The following FEZ1 variants were observed in gnomAD, a reference collection of about 807,000 sequenced individuals.
The protein encoded by FEZ1 is fasciculation and elongation protein zeta-1.
FEZ1 carries 20 observed loss-of-function variants against 49.3 expected under a neutral mutation model. The ratio of observed to expected loss-of-function variants is 0.41; its 90% CI spans 0.29 to 0.59. FEZ1 has a LOEUF of 0.59. Among genes scored for constraint, FEZ1 ranks in the 20% least tolerant of loss-of-function variants. FEZ1 has a pLI of 0.36. For synonymous variants in FEZ1, 170 were observed against 180.9 expected (o/e 0.94, Z 0.48); for missense variants, 413 against 476.0 (o/e 0.87, Z 1.23).
intron 1 of FEZ1, among the ~76,000 whole-genome samples, chr11:125,490,201 A>G (rs1176475873): frequency 2.0e-5 from 3 of 152,202 alleles, no homozygotes; most frequent in Non-Finnish European, 4.4e-5. Context: ...TATTACTATT[A>G]CTATTACCAC....
chr11:125,457,429 A>AAT (rs145878447), intron 5 of FEZ1, among the ~76,000 whole-genome samples: 785 of 20,906 alleles, frequency 0.038, 30 homozygotes, highest in Middle Eastern at 0.19. Flanking sequence ...AAAAAAAAAA[A>AAT]ATATATATAT....
intron 2 of FEZ1, among the ~76,000 whole-genome samples, chr11:125,486,267 G>A (rs532921040): frequency 2.6e-5 from 4 of 152,302 alleles, no homozygotes; most frequent in South Asian, 2.1e-4. Flanking sequence ...ACTCGTAAGA[G>A]GGCTGATAGG....
At position 125,463,555 on chromosome 11, in the gene FEZ1, C is replaced by A; in HGVS notation, c.427G>T (p.Glu143Ter). ...TCACTCTTCTCATTGAACTCTTCCT[C>A]TTCTTTCTCATGGATCTGGAGAGGA... ...CSDTEIHEKE[E>*]EEFNEKSEND... Residue 143 changes from glutamate (E) to a stop codon, truncating the protein, a stop_gained, in exon 4 of 10, where the codon GAG becomes TAG. Transcript: ENST00000278919. LOFTEE classifies it high-confidence loss of function. The A allele has an allele frequency of 1.2e-6, 2 of 1,609,114 alleles. No individual in the cohort carries two copies. The highest frequency in any genetic ancestry group is 2.2e-5 in the South Asian group (2 of 90,976).
intron 8 of FEZ1, among the ~76,000 whole-genome samples, chr11:125,449,441 A>AAAAAAAAAAAAAAAAAAAAGAAG (rs796507357): frequency 1.2e-4 from 16 of 128,256 alleles, no homozygotes; most frequent in African/African-American, 4.4e-4. Context: ...AAAAAAAAAA[A>AAAAAAAAAAAAAAAAAAAAGAAG]AAGAAGAAGA....
Position 125,455,650 on chromosome 11 carries a change from C to A in FEZ1, c.939+185G>T, listed in dbSNP as rs1002628485. 3.6e-4 allele frequency: 250 copies of A among 685,858 alleles called. 1 individual carries two copies. The highest frequency in any genetic ancestry group is 2.0e-4 in the Admixed American group (9 of 45,746). 42.5% of individuals were successfully genotyped at this position (685,858 alleles called of 1,614,324 possible). ...TGTCTTCCTGGGTTAGACTGTGAGC[C>A]CTTTGGGGGAGTGGAGGAGATAGGT... On this transcript the variant is annotated intron_variant, in intron 6 of 9. Coordinates refer to ENST00000278919, the MANE Select transcript of FEZ1 (RefSeq NM_005103.5).
chr11:125,452,092 T>C (rs1290531953), intron 8 of FEZ1, among the ~76,000 whole-genome samples: 1 of 152,138 alleles, frequency 6.6e-6, no homozygotes, highest in Non-Finnish European at 1.5e-5. Context: ...CTCATTTTTT[T>C]TTCCCCCAGC....
intron 3 of FEZ1, among the ~76,000 whole-genome samples, chr11:125,480,570 A>T (rs1957269833): frequency 6.6e-6 from 1 of 152,190 alleles, no homozygotes. Context: ...TGAACCCAAG[A>T]GAAGCCCATG....
At chr11:125,447,198 G>A (rs772484131) in intron 9 of FEZ1, among the ~76,000 whole-genome samples, 3 of 152,152 alleles carry the variant, frequency 2.0e-5, no homozygotes, top group Non-Finnish European at 2.9e-5. Context: ...TCAAAAAATC[G>A]GAAGCTGTAT....
At chr11:125,462,774 G>A (rs1957088479) in intron 4 of FEZ1, among the ~76,000 whole-genome samples, 1 of 149,490 alleles carries the variant, frequency 6.7e-6, no homozygotes, top group Admixed American at 6.7e-5. Context: ...CAAGGCGGGT[G>A]GACTGCTTGA....
rs1269934869 is a variant in FEZ1 at position 125,495,317 on chromosome 11, TGA to T, written c.-46+802_-46+803del. On this transcript the variant is annotated intron_variant, in intron 1 of 9. Coordinates refer to ENST00000278919, the MANE Select transcript of FEZ1 (RefSeq NM_005103.5). The surrounding 1 kb of genome is among the most constrained non-coding windows in gnomAD (Gnocchi z 4.2). The stretch of plus-strand genomic sequence containing the variant: ...AACAAGCCCGGACACGGGAGAGGGA[TGA>T]GAGTCGGGGATGCCTAGCGGCGAGG... 4.3e-6 allele frequency: 2 copies of T among 462,622 alleles called. No individual in the cohort carries two copies. The highest frequency in any genetic ancestry group is 4.8e-5 in the Admixed American group (2 of 42,036). The allele number at this position is 462,622 out of a possible 1,614,324, so 28.7% of individuals were successfully genotyped here. A position where few individuals can be genotyped will look rare whatever the true frequency, so the allele number is the denominator to read the frequency against.
chr11:125,468,406 C>T (rs911648580), intron 3 of FEZ1, among the ~76,000 whole-genome samples: 3 of 152,110 alleles, frequency 2.0e-5, no homozygotes, highest in African/African-American at 7.2e-5. Context: ...CCCAGGCTGG[C>T]TTCTAACTCC....
chr11:125,449,248 G>A (rs550199897), intron 8 of FEZ1, among the ~76,000 whole-genome samples: 5 of 144,760 alleles, frequency 3.5e-5, no homozygotes, highest in African/African-American at 1.3e-4. Flanking sequence ...GTTTTGCCAT[G>A]TTGCCCAGGC....
At position 125,495,611 on chromosome 11, in the gene FEZ1, C is replaced by A. The variant is rs1565308598; in HGVS notation, c.-46+510G>T. On this transcript the variant is annotated intron_variant, in intron 1 of 9. Coordinates refer to ENST00000278919, the MANE Select transcript of FEZ1 (RefSeq NM_005103.5). The surrounding 1 kb of genome is among the most constrained non-coding windows in gnomAD (Gnocchi z 4.2). ...CTCTGGGGAGGGGCACGAGCGGGGT[C>A]GGGGGTAAGTTTTTAGGGACAAAGA... 4.3e-6 allele frequency: 2 copies of A among 465,726 alleles called. No homozygotes were observed. Among genetic ancestry groups the A allele is most frequent in the Non-Finnish European group, 8.9e-6 (2 of 224,734 alleles). 28.8% of individuals were successfully genotyped at this position (465,726 alleles called of 1,614,324 possible).
Position 125,495,975 on chromosome 11 carries a change from A to C in FEZ1, c.-46+146T>G, listed in dbSNP as rs1957466129. 4.5e-6 allele frequency: 1 copy of C among 224,108 alleles called. No individual in the cohort carries two copies. The highest frequency in any genetic ancestry group is 8.8e-6 in the Non-Finnish European group (1 of 113,442). The allele number at this position is 224,108 out of a possible 1,614,324, so 13.9% of individuals were successfully genotyped here. On this transcript the variant is annotated intron_variant, in intron 1 of 9. Transcript: ENST00000278919. This position sits in a 1 kb window ranked among gnomAD's most constrained non-coding sequence, Gnocchi z 4.2. ...CGACGGCCTCCCGTTGTTCCTTTCTAATCCCAGAATGGGACCAGGTGAGGG... is the reference window on the plus strand; with the variant it reads ...CGACGGCCTCCCGTTGTTCCTTTCTCATCCCAGAATGGGACCAGGTGAGGG...
intron 1 of FEZ1, among the ~76,000 whole-genome samples, chr11:125,493,362 A>AGAAAAGAAAGAAAGAAAGAAAGAAAG (rs1957403663): frequency 2.0e-5 from 1 of 49,534 alleles, no homozygotes; most frequent in Non-Finnish European, 3.8e-5. Context: ...AGAAAGAGAG[A>AGAAAAGAAAGAAAGAAAGAAAGAAAG]AAAGAAAGAA....
intron 3 of FEZ1, among the ~76,000 whole-genome samples, chr11:125,480,377 C>T (rs1254282990): frequency 2.6e-5 from 4 of 152,022 alleles, no homozygotes; most frequent in Middle Eastern, 3.4e-3. Context: ...CACAGTGAGA[C>T]CCTGTCTGAG....
chr11:125,487,385 A>T (rs1263093216), intron 2 of FEZ1, among the ~76,000 whole-genome samples: 2 of 152,228 alleles, frequency 1.3e-5, no homozygotes, highest in Non-Finnish European at 2.9e-5. Context: ...AACCAGGGTT[A>T]AATGACTTGC....
intron 1 of FEZ1, among the ~76,000 whole-genome samples, chr11:125,493,053 A>C (rs1957396837): frequency 1.3e-5 from 2 of 151,784 alleles, no homozygotes; most frequent in Admixed American, 6.6e-5. Context: ...GGGGCTGGGC[A>C]CAGTGGCTCA....
chr11:125,494,013 T>C (rs1276397130), intron 1 of FEZ1, among the ~76,000 whole-genome samples: 1 of 152,354 alleles, frequency 6.6e-6, no homozygotes, highest in East Asian at 1.9e-4. Context: ...TAGAAAATTA[T>C]AAAAGACGAA....
Sources: allele counts gnomAD v4.1 joint callset (sites outside exome capture counted in the v4.1 genomes callset), GRCh38; gene constraint gnomAD v4.1.1; non-coding constraint Gnocchi (gnomAD v3.1); transcripts MANE v1.5; gene names NCBI Gene and HGNC (gene_info 2026-07-23, HGNC 2026-07-21).